The following ROCK2 variants were observed in gnomAD, a reference collection of about 807,000 sequenced individuals.
The protein encoded by ROCK2 is Rho associated coiled-coil containing protein kinase 2, also known as rho-associated protein kinase 2.
A neutral mutation model predicts 195.1 loss-of-function variants in ROCK2; 61 were observed. The observed-to-expected ratio is 0.31, with a 90% CI of 0.25 to 0.39. The LOEUF (loss-of-function observed/expected upper bound fraction) is 0.39, where lower values mean the gene tolerates loss of function less well. Among genes scored for constraint, ROCK2 ranks in the 10% least tolerant of loss-of-function variants. ROCK2 has a pLI of 1.00. For synonymous variants in ROCK2, 504 were observed against 545.5 expected (o/e 0.92, Z 1.06); for missense variants, 1,109 against 1,637.4 (o/e 0.68, Z 5.57).
upstream of ROCK2, among the ~76,000 whole-genome samples, chr2:11,345,297 C>G (rs962639062): frequency 6.6e-6 from 1 of 152,174 alleles, no homozygotes; most frequent in Non-Finnish European, 1.5e-5. Flanking sequence ...CGGGAGAGCA[C>G]CGGAAAAAGG....
Position 11,308,109 on chromosome 2 carries a change from G to A in ROCK2, c.142-20373C>T, listed in dbSNP as rs1014113793. 28 of 1,611,266 alleles carry A rather than the reference G, an allele frequency of 1.7e-5. No homozygotes were observed. In the African/African-American group the frequency reaches 2.4e-4, roughly 14 times the overall value. ...CGACTGCGACTCTTGGGGCCAGCTG[G>A]TGGAGGCGATAGACAAGTATCAGAT... On this transcript the variant is annotated intron_variant, in intron 1 of 32. Transcript: ENST00000315872.
At chr2:11,255,906 A>T (rs1666015231) in intron 3 of ROCK2, among the ~76,000 whole-genome samples, 1 of 120,128 alleles carries the variant, frequency 8.3e-6, no homozygotes, top group South Asian at 3.0e-4. Flanking sequence ...TCCAGTCTGG[A>T]TGAGAGAGTA....
chr2:11,222,771 T>C (rs1664680644), intron 7 of ROCK2, among the ~76,000 whole-genome samples: 1 of 152,156 alleles, frequency 6.6e-6, no homozygotes. Context: ...ATCTGTGTTA[T>C]ACAAGGCCCT....
At chr2:11,308,093 C>T in intron 1 of ROCK2, 2 of 1,610,788 alleles carry the variant, frequency 1.2e-6, no homozygotes. Flanking sequence ...CCGACTGCGA[C>T]TCTTGGGGCC....
chr2:11,304,778 GT>G (rs1256780212), intron 1 of ROCK2, among the ~76,000 whole-genome samples: 5 of 152,038 alleles, frequency 3.3e-5, no homozygotes, highest in Admixed American at 6.6e-5. Flanking sequence ...CCTTCTAAAC[GT>G]TTCGAAATCA....
chr2:11,321,816 T>C (rs757103996), intron 1 of ROCK2, among the ~76,000 whole-genome samples: 14 of 152,196 alleles, frequency 9.2e-5, no homozygotes, highest in African/African-American at 7.2e-5. Flanking sequence ...GGTTTAAAAA[T>C]AGATAAATAG....
chr2:11,194,613 TTC>T (rs1287756135), intron 28 of ROCK2, among the ~76,000 whole-genome samples: 1 of 139,322 alleles, frequency 7.2e-6, no homozygotes, highest in African/African-American at 2.5e-5. Context: ...ATTAGTAACC[TTC>T]TCAAAAATAA....
intron 3 of ROCK2, among the ~76,000 whole-genome samples, chr2:11,257,241 C>G (rs182951083): frequency 6.7e-6 from 1 of 149,208 alleles, no homozygotes; most frequent in South Asian, 2.1e-4. Flanking sequence ...AAAGGCCGAA[C>G]GCCTCAGAGA....
intron 32 of ROCK2, among the ~76,000 whole-genome samples, chr2:11,184,231 A>G (rs918899209): frequency 6.6e-6 from 1 of 152,238 alleles, no homozygotes; most frequent in African/African-American, 2.4e-5. Context: ...TTAGACTTAT[A>G]AAGTTTTTAT....
intron 3 of ROCK2, among the ~76,000 whole-genome samples, chr2:11,270,628 T>C (rs1434197361): frequency 2.6e-5 from 4 of 152,202 alleles, no homozygotes; most frequent in Non-Finnish European, 5.9e-5. Flanking sequence ...CCTTGTTCAG[T>C]CTAGCAATAA....
intron 3 of ROCK2, among the ~76,000 whole-genome samples, chr2:11,282,981 T>A (rs182213512): frequency 1.3e-5 from 2 of 152,086 alleles, no homozygotes; most frequent in Non-Finnish European, 2.9e-5. Flanking sequence ...AAAGAAGATA[T>A]ACAGGCTAGG....
At chr2:11,240,621 G>A (rs550451480) in intron 4 of ROCK2, among the ~76,000 whole-genome samples, 2 of 152,322 alleles carry the variant, frequency 1.3e-5, no homozygotes, top group Admixed American at 6.5e-5. Context: ...AGGGTAATAG[G>A]AAATGTCATT....
intron 5 of ROCK2, among the ~76,000 whole-genome samples, chr2:11,232,170 C>T (rs1200578534): frequency 6.6e-6 from 1 of 151,540 alleles, no homozygotes; most frequent in African/African-American, 2.4e-5. Context: ...GTCGCCCAGG[C>T]TGGAGGGCTG....
At chr2:11,309,369 A>C (rs1667962305) in intron 1 of ROCK2, among the ~76,000 whole-genome samples, 1 of 152,136 alleles carries the variant, frequency 6.6e-6, no homozygotes, top group Admixed American at 6.5e-5. Flanking sequence ...TCTCCCACAG[A>C]CTTCGAGGAA....
At chr2:11,320,607 T>C (rs1668371314) in intron 1 of ROCK2, among the ~76,000 whole-genome samples, 2 of 152,248 alleles carry the variant, frequency 1.3e-5, no homozygotes, top group South Asian at 4.1e-4. Flanking sequence ...TTACATTTAA[T>C]GCTTAGGGAG....
chr2:11,276,762 T>C (rs1005828879), intron 3 of ROCK2, among the ~76,000 whole-genome samples: 2 of 152,184 alleles, frequency 1.3e-5, no homozygotes, highest in African/African-American at 4.8e-5. Flanking sequence ...CAGTAACATA[T>C]GCTTGTCTGT....
At chr2:11,225,675 A>G (rs1317237521) in intron 6 of ROCK2, among the ~76,000 whole-genome samples, 1 of 152,122 alleles carries the variant, frequency 6.6e-6, no homozygotes, top group Non-Finnish European at 1.5e-5. Flanking sequence ...AAGCCAAATT[A>G]CTTCCTCTAA....
At chr2:11,270,601 T>TA (rs557480601) in intron 3 of ROCK2, among the ~76,000 whole-genome samples, 7 of 152,194 alleles carry the variant, frequency 4.6e-5, no homozygotes, top group African/African-American at 1.2e-4. Flanking sequence ...TCCTGAAACT[T>TA]AGAGATATTT....
At chr2:11,238,039 C>T (rs6748540) in intron 4 of ROCK2, among the ~76,000 whole-genome samples, 36 of 152,170 alleles carry the variant, frequency 2.4e-4, no homozygotes, top group African/African-American at 8.4e-4. Flanking sequence ...GATCGTGCCA[C>T]TGCACTCCAG....
Sources: gnomAD v4.1 joint callset for allele counts (sites outside exome capture counted in the v4.1 genomes callset) on GRCh38, gnomAD v4.1.1 for gene constraint, MANE v1.5 for transcripts, NCBI Gene and HGNC (gene_info 2026-07-23, HGNC 2026-07-21) for gene names.